Variants in DTD2 observed in about 807,000 individuals in gnomAD.
DTD2 encodes D-tyrosyl-tRNA deacylase 2 (putative).
A neutral mutation model predicts 15.5 loss-of-function variants in DTD2; 12 were observed. That is an observed-to-expected ratio of 0.77 (90% CI 0.50 to 1.25). The LOEUF (loss-of-function observed/expected upper bound fraction) is 1.25, where lower values mean the gene tolerates loss of function less well. Ranked by LOEUF, DTD2 falls within the 50% of genes most tolerant of loss-of-function variation. DTD2 has a pLI of 0.00. For synonymous variants in DTD2, 59 were observed against 77.3 expected (o/e 0.76, Z 1.24); for missense variants, 170 against 201.1 (o/e 0.85, Z 0.93).
Position 31,457,477 on chromosome 14 carries a change from G to A in DTD2, c.-84C>T. The A allele has an allele frequency of 3.6e-6, 4 of 1,096,048 alleles. No homozygotes were observed. The highest frequency in any genetic ancestry group is 1.8e-5 in the South Asian group (1 of 56,148). The allele number at this position is 1,096,048 out of a possible 1,614,324, so 67.9% of individuals were successfully genotyped here. On this transcript the variant is annotated 5_prime_UTR_variant, in exon 1 of 3. Coordinates refer to ENST00000310850, the MANE Select transcript of DTD2 (RefSeq NM_080664.3). ...TCGACGCGCTGGCGGGGCAGACGAGGCGGGGCACGACGAAGGGCCTGCGCC... is the reference window on the plus strand; with the variant it reads ...TCGACGCGCTGGCGGGGCAGACGAGACGGGGCACGACGAAGGGCCTGCGCC...
intron 1 of DTD2, chr14:31,456,949 C>T: frequency 3.3e-6 from 1 of 305,092 alleles, no homozygotes. Context: ...TACAAGCTTG[C>T]CCCCGACCAG....
rs1457631142 is a variant in DTD2, at chr14:31,446,057, TATTAC to T, written c.*2067_*2071del. On this transcript the variant is annotated 3_prime_UTR_variant, in exon 3 of 3. Coordinates refer to ENST00000310850, the MANE Select transcript of DTD2 (RefSeq NM_080664.3). ...GGAGTTTGCAAGTTTATGAATAGTT[TATTAC>T]ATTTCAGTAAGTGTATTGTGAATCA... is the stretch of plus-strand genomic sequence containing the variant. 6.6e-6 allele frequency: 1 copy of T among 152,242 alleles called. No individual in the cohort carries two copies. The highest frequency in any genetic ancestry group is 2.4e-5 in the African/African-American group (1 of 41,468). The allele number at this position is 152,242 out of a possible 1,614,324, so 9.4% of individuals were successfully genotyped here.
At chr14:31,453,126 A>G in intron 2 of DTD2, 149 bp downstream of exon 2, 1 of 649,364 alleles carries the variant, frequency 1.5e-6, no homozygotes, top group Non-Finnish European at 2.7e-6. Flanking sequence ...TTTTGTAGAG[A>G]AGAGGTCTTA....
At position 31,457,288 on chromosome 14, in the gene DTD2, C is replaced by T. The variant is rs1327587229; in HGVS notation, c.106G>A (p.Val36Met). 5.7e-6 allele frequency: 9 copies of T among 1,580,192 alleles called. No individual in the cohort carries two copies. Among genetic ancestry groups the T allele is most frequent in the African/African-American group, 1.3e-5 (1 of 74,300 alleles). ...AGCTGCCGGGCTGACGTTACCTCCA[C>T]CCACTGGGCCGCGACGTCCCCATCG... ...PADGDVAAQW[V>M]EVQRGLVIYV... The change falls in exon 1 of 3, where the codon GTG (valine) becomes ATG (methionine). Residue 36 changes from valine (V) to methionine (M), a missense_variant. By Grantham distance (21) the Val-to-Met change is conservative. Coordinates refer to ENST00000310850, the MANE Select transcript of DTD2 (RefSeq NM_080664.3).
chr14:31,455,293 T>C (rs938199980), intron 1 of DTD2, among the ~76,000 whole-genome samples: 2 of 152,032 alleles, frequency 1.3e-5, no homozygotes, highest in Non-Finnish European at 2.9e-5. Context: ...GGCTCAAGCC[T>C]GCAATACCAG....
chr14:31,448,912 G>C (rs1313157029), intron 2 of DTD2, among the ~76,000 whole-genome samples: 1 of 151,990 alleles, frequency 6.6e-6, no homozygotes, highest in Non-Finnish European at 1.5e-5. Context: ...TATTTATTTA[G>C]AGACAGAGTC....
intron 1 of DTD2, chr14:31,457,003 AG>A (rs1223032613): frequency 2.1e-6 from 1 of 485,178 alleles, no homozygotes; most frequent in African/African-American, 2.0e-5. Flanking sequence ...TAAGGCCTGA[AG>A]TTCACCGAAC....
chr14:31,448,080 T>G lies in DTD2; in HGVS notation c.*49A>C, dbSNP rs761759957. Reference sequence around the variant, plus strand: ...AAGGGGAAGAAAATCTAATTATACTTTAGATCATTTCATACCAGAAAACAG... The same window carrying G: ...AAGGGGAAGAAAATCTAATTATACTGTAGATCATTTCATACCAGAAAACAG... On this transcript the variant is annotated 3_prime_UTR_variant, in exon 3 of 3. Coordinates refer to ENST00000310850, the MANE Select transcript of DTD2 (RefSeq NM_080664.3). 1 of 1,424,184 alleles carries G rather than the reference T, an allele frequency of 7.0e-7. No individual in the cohort carries two copies. The highest frequency in any genetic ancestry group is 9.6e-7 in the Non-Finnish European group (1 of 1,044,358). 88.2% of individuals were successfully genotyped at this position (1,424,184 alleles called of 1,614,324 possible). A position where few individuals can be genotyped will look rare whatever the true frequency, so the allele number is the denominator to read the frequency against.
At chr14:31,455,088 A>C (rs931713651) in intron 1 of DTD2, among the ~76,000 whole-genome samples, 1 of 152,200 alleles carries the variant, frequency 6.6e-6, no homozygotes, top group Non-Finnish European at 1.5e-5. Flanking sequence ...AGCCTTTAAA[A>C]TAGTTTTTAA....
chr14:31,451,109 A>G (rs2032026746), intron 2 of DTD2, among the ~76,000 whole-genome samples: 1 of 151,408 alleles, frequency 6.6e-6, no homozygotes, highest in Non-Finnish European at 1.5e-5. Context: ...GGATCTGACA[A>G]TTATTCTCTG....
Position 31,447,143 on chromosome 14 carries a change from A to G in DTD2, c.*986T>C, listed in dbSNP as rs1435568233. 6.6e-6 allele frequency: 1 copy of G among 152,236 alleles called. No homozygotes were observed. Among genetic ancestry groups the G allele is most frequent in the East Asian group, 1.9e-4 (1 of 5,172 alleles). The allele number at this position is 152,236 out of a possible 1,614,324, so 9.4% of individuals were successfully genotyped here. On this transcript the variant is annotated 3_prime_UTR_variant, in exon 3 of 3. Transcript: ENST00000310850. Reference sequence around the variant, plus strand: ...AATAACCCTTCTATATTACATATATATCTATATGTATATGTATATGTTAGA... The same window carrying G: ...AATAACCCTTCTATATTACATATATGTCTATATGTATATGTATATGTTAGA...
At position 31,448,386 on chromosome 14, in the gene DTD2, G is replaced by C. The variant is rs2031988486; in HGVS notation, c.250C>G (p.Pro84Ala). Reference sequence around the variant, plus strand: ...TGAGGGATAATAAGAATGTTGCCAGGTAGATCCAATATAGAGACATGCTTG... The same window carrying C: ...TGAGGGATAATAAGAATGTTGCCAGCTAGATCCAATATAGAGACATGCTTG... ...NGKHVSILDLPGNILIIPQAT... is the reference protein window; with the variant it reads ...NGKHVSILDLAGNILIIPQAT... The change falls in exon 3 of 3, where the codon CCT becomes GCT. Residue 84 changes from proline to alanine, a missense_variant. Pro to Ala is a conservative substitution (Grantham distance 27, BLOSUM62 -1). Coordinates refer to ENST00000310850, the MANE Select transcript of DTD2 (RefSeq NM_080664.3). 2 of 1,614,152 alleles carry C rather than the reference G, an allele frequency of 1.2e-6. No homozygotes were observed. Among genetic ancestry groups the C allele is most frequent in the Non-Finnish European group, 1.7e-6 (2 of 1,180,024 alleles).
chr14:31,456,033 A>G (rs1232288990), intron 1 of DTD2, among the ~76,000 whole-genome samples: 4 of 152,242 alleles, frequency 2.6e-5, no homozygotes, highest in Non-Finnish European at 2.9e-5. Context: ...TTTCCAAATT[A>G]GCACAGGGCA....
At chr14:31,449,985 C>G (rs1272807445) in intron 2 of DTD2, among the ~76,000 whole-genome samples, 1 of 152,206 alleles carries the variant, frequency 6.6e-6, no homozygotes, top group Non-Finnish European at 1.5e-5. Flanking sequence ...TTTTTAAATA[C>G]CTCTAGTTTT....
rs1595214832 is a variant in DTD2 at position 31,447,937 on chromosome 14, G to C, written c.*192C>G. The C allele has an allele frequency of 3.6e-6, 2 of 548,634 alleles. No homozygotes were observed. Among genetic ancestry groups the C allele is most frequent in the South Asian group, 5.4e-5 (2 of 37,034 alleles). The allele number at this position is 548,634 out of a possible 1,614,324, so 34.0% of individuals were successfully genotyped here. ...GGTAGAGGAATGTAGGACAAAAGGT[G>C]ACTGAGATCCAGAGTTTAGGTGACT... On this transcript the variant is annotated 3_prime_UTR_variant, in exon 3 of 3. Coordinates refer to ENST00000310850, the MANE Select transcript of DTD2 (RefSeq NM_080664.3).
intron 1 of DTD2, among the ~76,000 whole-genome samples, chr14:31,454,885 A>G (rs1033032762): frequency 1.3e-5 from 2 of 152,268 alleles, no homozygotes; most frequent in African/African-American, 4.8e-5. Context: ...TAAATGAATG[A>G]AACTAAGAAC....
At chr14:31,456,735 T>G (rs2032098632) in intron 1 of DTD2, among the ~76,000 whole-genome samples, 1 of 152,214 alleles carries the variant, frequency 6.6e-6, no homozygotes, top group Admixed American at 6.5e-5. Flanking sequence ...AGAAATGTGT[T>G]TGATAAGGCA....
chr14:31,449,134 C>T (rs1410358205), intron 2 of DTD2, among the ~76,000 whole-genome samples: 1 of 152,200 alleles, frequency 6.6e-6, no homozygotes, highest in Non-Finnish European at 1.5e-5. Context: ...ACCTCGTGAT[C>T]CACTCGCCTT....
intron 2 of DTD2, among the ~76,000 whole-genome samples, chr14:31,451,113 T>C (rs955546266): frequency 2.6e-5 from 4 of 152,096 alleles, no homozygotes; most frequent in African/African-American, 9.7e-5. Flanking sequence ...CTGACAATTA[T>C]TCTCTGTAAT....
Sources: allele counts gnomAD v4.1 joint callset (sites outside exome capture counted in the v4.1 genomes callset), GRCh38; gene constraint gnomAD v4.1.1; transcripts MANE v1.5; gene names NCBI Gene and HGNC (gene_info 2026-07-23, HGNC 2026-07-21).